DSCAML1: variants seen among roughly 807,000 people sequenced by gnomAD.
DSCAML1 encodes the protein cell adhesion molecule DSCAML1.
In DSCAML1, 38 loss-of-function variants were observed where a neutral mutation model predicts 200.5. The observed-to-expected ratio is 0.19, with a 90% CI of 0.15 to 0.25. The LOEUF is 0.25. Ranked by LOEUF, DSCAML1 falls within the 10% of genes least tolerant of loss-of-function variation. The pLI is 1.00. For synonymous variants in DSCAML1, 1,215 were observed against 1,165.0 expected, an observed-to-expected ratio of 1.04 and a Z score of -0.87; for missense variants, 2,223 against 2,858.8, an observed-to-expected ratio of 0.78 and a Z score of 5.07.
At chr11:117,709,533 G>C (rs144118391) in intron 3 of DSCAML1, among the ~76,000 whole-genome samples, 12 of 152,072 alleles carry the variant, frequency 7.9e-5, no homozygotes, top group Admixed American at 1.3e-4. Context: ...TATGAATTGC[G>C]GGGGTTGGGG....
chr11:117,780,108 C>T lies in DSCAML1; in HGVS notation c.364+385G>A, dbSNP rs899018749. On this transcript the variant is annotated intron_variant, in intron 2 of 32. Coordinates refer to ENST00000651296, the MANE Select transcript of DSCAML1 (RefSeq NM_020693.4). The surrounding 1 kb of genome is among the most constrained non-coding windows in gnomAD (Gnocchi z 4.8). ...CACCACTGCACTCCAGTCTGGGCGA[C>T]AGAGTGAGGCTCTGTCTCAAAAAGC... 6.9e-6 allele frequency among the ~76,000 whole-genome samples: 1 copy of T among 144,840 alleles called. No homozygotes were observed. Among genetic ancestry groups the T allele is most frequent in the Non-Finnish European group, 1.5e-5 (1 of 66,892 alleles).
chr11:117,723,510 C>CA (rs1317419706), intron 3 of DSCAML1, among the ~76,000 whole-genome samples: 1 of 152,088 alleles, frequency 6.6e-6, no homozygotes, highest in Non-Finnish European at 1.5e-5. Flanking sequence ...CAGTATTTTA[C>CA]AAAAAAAGAG....
intron 3 of DSCAML1, among the ~76,000 whole-genome samples, chr11:117,752,815 A>C (rs959080083): frequency 1.3e-5 from 2 of 152,248 alleles, no homozygotes; most frequent in Admixed American, 1.3e-4. Context: ...CTGCAGCACG[A>C]GGGCCCTGTG....
intron 3 of DSCAML1, among the ~76,000 whole-genome samples, chr11:117,652,962 A>G (rs1412944876): frequency 6.6e-6 from 1 of 152,066 alleles, no homozygotes. Context: ...TCTCTCTCCA[A>G]TGCTATTCCT....
intron 3 of DSCAML1, among the ~76,000 whole-genome samples, chr11:117,621,901 G>C (rs954008114): frequency 1.3e-5 from 2 of 152,176 alleles, no homozygotes; most frequent in East Asian, 3.9e-4. Flanking sequence ...TGAAAAGTGG[G>C]ATTGTCAAGA....
intron 11 of DSCAML1, among the ~76,000 whole-genome samples, chr11:117,491,800 A>G (rs897421771): frequency 1.3e-5 from 2 of 152,150 alleles, no homozygotes; most frequent in Non-Finnish European, 2.9e-5. Context: ...AAAAAACCCC[A>G]TGAATATCAG....
chr11:117,816,530 GATCA>G (rs2055808579), intron 1 of DSCAML1, among the ~76,000 whole-genome samples: 1 of 152,232 alleles, frequency 6.6e-6, no homozygotes. Context: ...TGGGGCCATG[GATCA>G]ACAGGGAGGC....
chr11:117,605,816 C>T (rs910098957), intron 3 of DSCAML1, among the ~76,000 whole-genome samples: 1 of 152,172 alleles, frequency 6.6e-6, no homozygotes, highest in Non-Finnish European at 1.5e-5. Context: ...GGGATCTTTA[C>T]AGCCATGCCA....
At chr11:117,583,120 C>G (rs1001753910) in intron 3 of DSCAML1, among the ~76,000 whole-genome samples, 1 of 151,876 alleles carries the variant, frequency 6.6e-6, no homozygotes, top group African/African-American at 2.4e-5. Flanking sequence ...TTATCTAGTT[C>G]AAGAAACCAT....
intron 19 of DSCAML1, among the ~76,000 whole-genome samples, chr11:117,451,548 G>A (rs1007252857): frequency 1.4e-4 from 22 of 152,218 alleles, no homozygotes; most frequent in Admixed American, 1.3e-4. Flanking sequence ...TACTGGGCAG[G>A]TGCGGTGGCT....
intron 3 of DSCAML1, among the ~76,000 whole-genome samples, chr11:117,720,805 C>G (rs1050669414): frequency 2.6e-5 from 4 of 152,204 alleles, no homozygotes; most frequent in Admixed American, 6.5e-5. Context: ...AAGTGCTTAG[C>G]ACAGTACCTG....
In DSCAML1 at chr11:117,471,938, T is replaced by A. The variant is rs1365446036; in HGVS notation, c.2884A>T (p.Met962Leu). 1.9e-6 allele frequency: 3 copies of A among 1,614,006 alleles called. No homozygotes were observed. Among genetic ancestry groups the A allele is most frequent in the Non-Finnish European group, 2.5e-6 (3 of 1,180,036 alleles). Reference sequence around the variant, plus strand: ...CGGCCAATCTTGTTGAAAGAGTACATGCGGATGCTGTACACAGATGCCGGG... The same window carrying A: ...CGGCCAATCTTGTTGAAAGAGTACAAGCGGATGCTGTACACAGATGCCGGG... The part of the protein sequence containing the change: ...LHPASVYSIR[M>L]YSFNKIGRSE... Residue 962 changes from methionine to leucine, a missense_variant, in exon 15 of 33, where the codon ATG becomes TTG. Physicochemically the swap from Met to Leu is conservative, Grantham distance 15. Around this residue, in one of 7 missense-constraint regions of DSCAML1, gnomAD observed 438 missense variants for 629.7 expected, o/e 0.70. Coordinates refer to ENST00000651296, the MANE Select transcript of DSCAML1 (RefSeq NM_020693.4).
At chr11:117,634,775 C>T (rs556955669) in intron 3 of DSCAML1, among the ~76,000 whole-genome samples, 1 of 152,190 alleles carries the variant, frequency 6.6e-6, no homozygotes, top group Non-Finnish European at 1.5e-5. Context: ...CTCGAGGCTG[C>T]GGTCGTGGTG....
chr11:117,554,073 A>G (rs1010230407), intron 3 of DSCAML1, among the ~76,000 whole-genome samples: 1 of 152,236 alleles, frequency 6.6e-6, no homozygotes, highest in Non-Finnish European at 1.5e-5. Context: ...ATACTGTATG[A>G]TTCTACTTAT....
At chr11:117,737,203 G>A (rs542258444) in intron 3 of DSCAML1, among the ~76,000 whole-genome samples, 1 of 152,318 alleles carries the variant, frequency 6.6e-6, no homozygotes, top group Admixed American at 6.5e-5. Context: ...AGCTCCCCTA[G>A]TTATAAGTTA....
intron 3 of DSCAML1, among the ~76,000 whole-genome samples, chr11:117,775,660 C>A (rs942732098): frequency 6.6e-6 from 1 of 152,118 alleles, no homozygotes; most frequent in Non-Finnish European, 1.5e-5. Flanking sequence ...GTCCTAGGTA[C>A]ACATCAGAAC....
chr11:117,456,573 T>TGACTGCTATTCTGGATGAGAC (rs1333686759), intron 19 of DSCAML1, among the ~76,000 whole-genome samples: 1 of 152,162 alleles, frequency 6.6e-6, no homozygotes, highest in Non-Finnish European at 1.5e-5. Context: ...AGTCATATTA[T>TGACTGCTATTCTGGATGAGAC]GACTGCTATT....
chr11:117,497,243 A>G (rs2049306746), intron 11 of DSCAML1, among the ~76,000 whole-genome samples: 1 of 152,170 alleles, frequency 6.6e-6, no homozygotes, highest in Non-Finnish European at 1.5e-5. Context: ...TGCCCAGTTT[A>G]CCCAGGGCAT....
chr11:117,729,487 GAA>G (rs1292523174), intron 3 of DSCAML1, among the ~76,000 whole-genome samples: 1 of 152,056 alleles, frequency 6.6e-6, no homozygotes, highest in Non-Finnish European at 1.5e-5. Flanking sequence ...TCAAGAAAGT[GAA>G]AAGACTATAG....
Sources: allele counts gnomAD v4.1 joint callset (sites outside exome capture counted in the v4.1 genomes callset), GRCh38; gene constraint gnomAD v4.1.1; regional missense constraint gnomAD v4.1.1; non-coding constraint Gnocchi (gnomAD v3.1); transcripts MANE v1.5; gene names NCBI Gene and HGNC (gene_info 2026-07-23, HGNC 2026-07-21).